Variants in LURAP1L observed in about 807,000 individuals in gnomAD.
The protein encoded by LURAP1L is leucine rich adaptor protein 1-like.
Under a neutral mutation model 13.8 loss-of-function variants are expected in LURAP1L, and 12 were observed. The observed-to-expected ratio is 0.87, with a 90% CI of 0.56 to 1.41. The LOEUF (loss-of-function observed/expected upper bound fraction) is 1.41, where lower values mean the gene tolerates loss of function less well. Among genes scored for constraint, LURAP1L ranks in the 40% most tolerant of loss-of-function variants. The pLI is 0.00. For missense variants in LURAP1L, 375 were observed against 292.9 expected (o/e 1.28, Z -2.04); for synonymous variants, 139 against 119.2 (o/e 1.17, Z -1.08).
intron 1 of LURAP1L, among the ~76,000 whole-genome samples, chr9:12,790,336 T>C (rs982270724): frequency 6.6e-6 from 1 of 152,172 alleles, no homozygotes; most frequent in Non-Finnish European, 1.5e-5. Flanking sequence ...CCTTAATGCC[T>C]GGCCAATTAT....
intron 1 of LURAP1L, among the ~76,000 whole-genome samples, chr9:12,781,234 G>A (rs1190322900): frequency 2.0e-5 from 3 of 152,162 alleles, no homozygotes; most frequent in Admixed American, 1.3e-4. Flanking sequence ...GCCTCCTAAA[G>A]TGCTGGGATT....
At chr9:12,782,029 A>G (rs951024970) in intron 1 of LURAP1L, among the ~76,000 whole-genome samples, 2 of 152,230 alleles carry the variant, frequency 1.3e-5, no homozygotes, top group African/African-American at 4.8e-5. Context: ...GCACTTTTGA[A>G]TATACCTGAT....
intron 1 of LURAP1L, among the ~76,000 whole-genome samples, chr9:12,804,345 G>GAT (rs1819626824): frequency 1.3e-5 from 1 of 78,900 alleles, no homozygotes; most frequent in Admixed American, 1.3e-4. Flanking sequence ...TTTGTTATCT[G>GAT]ATTTTTTTTT....
intron 1 of LURAP1L, among the ~76,000 whole-genome samples, chr9:12,805,433 T>G (rs1404062470): frequency 6.6e-6 from 1 of 152,100 alleles, no homozygotes; most frequent in Non-Finnish European, 1.5e-5. Flanking sequence ...TGGTGAAAGG[T>G]TTTTTTCTCA....
intron 1 of LURAP1L, among the ~76,000 whole-genome samples, chr9:12,781,620 A>G (rs756545127): frequency 1.3e-5 from 2 of 152,132 alleles, no homozygotes; most frequent in South Asian, 2.1e-4. Flanking sequence ...TTAGTACTCT[A>G]TTGTGCGTAC....
In LURAP1L at chr9:12,786,544, T is replaced by TA. The variant is rs1563888278; in HGVS notation, c.312+10517_312+10518insA. Among the ~76,000 whole-genome samples, 10 of 19,298 alleles carry TA rather than the reference T, an allele frequency of 5.2e-4. 1 individual carries two copies. The highest frequency in any genetic ancestry group is 2.8e-3 in the African/African-American group (9 of 3,268). 12.7% of individuals were successfully genotyped at this position (19,298 alleles called of 152,430 possible). Reference sequence around the variant, plus strand: ...ATTAAATGGCTAACATGTATATATATGACATATATATATATATATATATAT... The same window carrying TA: ...ATTAAATGGCTAACATGTATATATATAGACATATATATATATATATATATAT... On this transcript the variant is annotated intron_variant, in intron 1 of 1. Transcript: ENST00000319264.
chr9:12,817,050 C>T (rs1276014531), intron 1 of LURAP1L, among the ~76,000 whole-genome samples: 1 of 152,168 alleles, frequency 6.6e-6, no homozygotes, highest in Non-Finnish European at 1.5e-5. Flanking sequence ...TGGAGTGTGA[C>T]TTACACCTTG....
At chr9:12,806,237 G>T (rs1445651560) in intron 1 of LURAP1L, among the ~76,000 whole-genome samples, 1 of 152,166 alleles carries the variant, frequency 6.6e-6, no homozygotes, top group Non-Finnish European at 1.5e-5. Context: ...TGGTACAGCT[G>T]GTTCAAGAGA....
intron 1 of LURAP1L, among the ~76,000 whole-genome samples, chr9:12,809,819 C>T (rs1819712119): frequency 6.6e-6 from 1 of 152,132 alleles, no homozygotes; most frequent in Non-Finnish European, 1.5e-5. Context: ...ACTAAAATTT[C>T]CTCTAGTATC....
intron 1 of LURAP1L, chr9:12,777,486 G>A (rs1312578804): frequency 2.0e-6 from 2 of 985,022 alleles, no homozygotes; most frequent in African/African-American, 3.5e-5. Context: ...AAGGAGATGA[G>A]GAAATTTTAT....
Position 12,800,604 on chromosome 9 carries a change from T to C in LURAP1L, c.313-20782T>C, listed in dbSNP as rs541896285. ...TACTCATTTGTTGAATTTAAATTTC[T>C]GAGCAAGAATCATTCAAGAATATCT... On this transcript the variant is annotated intron_variant, in intron 1 of 1. Coordinates refer to ENST00000319264, the MANE Select transcript of LURAP1L (RefSeq NM_203403.2). Among the ~76,000 whole-genome samples, 6 of 152,270 alleles carry C rather than the reference T, an allele frequency of 3.9e-5. No homozygotes were observed. The South Asian group carries it at 1.2e-3, about 32-fold the overall frequency.
At chr9:12,799,861 G>A (rs1231679173) in intron 1 of LURAP1L, among the ~76,000 whole-genome samples, 9 of 135,984 alleles carry the variant, frequency 6.6e-5, no homozygotes, top group Non-Finnish European at 1.1e-4. Flanking sequence ...GCGACAGAGC[G>A]AGACTCCGTC....
chr9:12,775,661 T>A lies in LURAP1L; in HGVS notation c.-55T>A. 1 of 1,521,258 alleles carries A rather than the reference T, an allele frequency of 6.6e-7. No individual in the cohort carries two copies. Among genetic ancestry groups the A allele is most frequent in the Non-Finnish European group, 8.8e-7 (1 of 1,138,162 alleles). The allele number at this position is 1,521,258 out of a possible 1,614,324, so 94.2% of individuals were successfully genotyped here. ...GATTTCGCAGCAGCCTTCGAAGCCG[T>A]GGCTGCCTTTCATCTGCTGCGTTTT... On this transcript the variant is annotated 5_prime_UTR_variant, in exon 1 of 2. Coordinates refer to ENST00000319264, the MANE Select transcript of LURAP1L (RefSeq NM_203403.2).
chr9:12,775,778 C>A lies in LURAP1L; in HGVS notation c.63C>A (p.Pro21=). ...DIELKLGRKV[P]ESLVRSLRGE... The stretch of plus-strand genomic sequence containing the variant: ...AGCTGAAGCTGGGGCGCAAAGTACC[C>A]GAGAGTCTAGTGCGCTCTCTCCGTG... Residue 21 remains proline, a synonymous_variant, in exon 1 of 2, where the codon CCC becomes CCA. Coordinates refer to ENST00000319264, the MANE Select transcript of LURAP1L (RefSeq NM_203403.2). 1 of 1,609,922 alleles carries A rather than the reference C, an allele frequency of 6.2e-7. No homozygotes were observed. Among genetic ancestry groups the A allele is most frequent in the East Asian group, 2.2e-5 (1 of 44,798 alleles).
At chr9:12,819,121 A>G (rs909811867) in intron 1 of LURAP1L, among the ~76,000 whole-genome samples, 3 of 152,122 alleles carry the variant, frequency 2.0e-5, no homozygotes, top group Non-Finnish European at 4.4e-5. Flanking sequence ...CACCCCAACA[A>G]ATAGAGGGGC....
chr9:12,782,335 G>A (rs76428153), intron 1 of LURAP1L, among the ~76,000 whole-genome samples: 3,478 of 152,240 alleles, frequency 0.023, 50 homozygotes, highest in African/African-American at 0.034. Flanking sequence ...CTTGTCCAGA[G>A]CAATGTTATA....
chr9:12,820,611 T>C lies in LURAP1L; in HGVS notation c.313-775T>C, dbSNP rs1418574188. 2.7e-5 allele frequency among the ~76,000 whole-genome samples: 4 copies of C among 150,456 alleles called. No individual in the cohort carries two copies. The Admixed American group carries it at 2.7e-4, about 10-fold the overall frequency. The stretch of plus-strand genomic sequence containing the variant: ...CCACTTTTGATTGGGGTGCCCCTGA[T>C]ATATCTGAAACAAATAGTCAGATAT... On this transcript the variant is annotated intron_variant, in intron 1 of 1. Coordinates refer to ENST00000319264, the MANE Select transcript of LURAP1L (RefSeq NM_203403.2).
chr9:12,789,078 C>A (rs1001092697), intron 1 of LURAP1L, among the ~76,000 whole-genome samples: 2 of 141,188 alleles, frequency 1.4e-5, no homozygotes, highest in Non-Finnish European at 3.0e-5. Flanking sequence ...CCTGCCTCCC[C>A]CAGCACCCCC....
intron 1 of LURAP1L, among the ~76,000 whole-genome samples, chr9:12,800,375 G>T (rs1004034151): frequency 6.6e-6 from 1 of 152,020 alleles, no homozygotes; most frequent in Non-Finnish European, 1.5e-5. Context: ...AAAAATCCAA[G>T]AGTTAATTAG....
Sources: gnomAD v4.1 joint callset for allele counts (sites outside exome capture counted in the v4.1 genomes callset) on GRCh38, gnomAD v4.1.1 for gene constraint, MANE v1.5 for transcripts, NCBI Gene and HGNC (gene_info 2026-07-23, HGNC 2026-07-21) for gene names.